Variants in RIC1 observed in about 807,000 individuals in gnomAD.
RIC1 encodes the protein guanine nucleotide exchange factor subunit RIC1.
RIC1 carries 88 observed loss-of-function variants against 169.0 expected under a neutral mutation model. The observed-to-expected ratio is 0.52, with a 90% CI of 0.44 to 0.62. The LOEUF (loss-of-function observed/expected upper bound fraction) is 0.62, where lower values mean the gene tolerates loss of function less well. Among genes scored for constraint, RIC1 ranks in the 20% least tolerant of loss-of-function variants. RIC1 has a pLI of 0.00. For missense variants in RIC1, 1,877 were observed against 1,725.5 expected (o/e 1.09, Z -1.56); for synonymous variants, 790 against 601.5 (o/e 1.31, Z -4.59).
chr9:5,690,502 C>T (rs1419926140), intron 3 of RIC1, among the ~76,000 whole-genome samples: 1 of 150,894 alleles, frequency 6.6e-6, no homozygotes, highest in Non-Finnish European at 1.5e-5. Flanking sequence ...ATTTTGCATT[C>T]TTTTCCTTAT....
At chr9:5,677,544 C>G (rs1014472005) in intron 2 of RIC1, among the ~76,000 whole-genome samples, 1 of 150,896 alleles carries the variant, frequency 6.6e-6, no homozygotes, top group African/African-American at 2.5e-5. Context: ...GTTCCATGAT[C>G]TATTTGTATA....
At chr9:5,681,487 A>T (rs1820836212) in intron 2 of RIC1, among the ~76,000 whole-genome samples, 1 of 152,062 alleles carries the variant, frequency 6.6e-6, no homozygotes, top group Non-Finnish European at 1.5e-5. Flanking sequence ...TTCTAGTTTG[A>T]TTGCACTATG....
intron 2 of RIC1, among the ~76,000 whole-genome samples, chr9:5,662,528 C>G (rs1402249965): frequency 6.6e-6 from 1 of 151,138 alleles, no homozygotes; most frequent in Admixed American, 6.6e-5. Flanking sequence ...CATTATTGGT[C>G]TATTCAGAGA....
rs139462539 is a variant in RIC1, at chr9:5,749,575, T to C, written c.1452+2070T>C. Among the ~76,000 whole-genome samples the C allele has an allele frequency of 2.6e-3, 401 of 152,264 alleles. 4 individuals are homozygous for C. The highest frequency in any genetic ancestry group is 9.0e-3 in the African/African-American group (374 of 41,552). On this transcript the variant is annotated intron_variant, in intron 12 of 25. Transcript: ENST00000414202. The stretch of plus-strand genomic sequence containing the variant: ...TTGTATAGCTTAGATGAACTCCAAC[T>C]AATTCTGCTGCTTGTTCTGTTTCTC...
At chr9:5,755,615 G>A (rs900655972) in intron 15 of RIC1, among the ~76,000 whole-genome samples, 2 of 152,108 alleles carry the variant, frequency 1.3e-5, no homozygotes, top group African/African-American at 2.4e-5. Flanking sequence ...GTCTTATTAT[G>A]TATCAGGTCT....
At chr9:5,682,486 C>T (rs1820914900) in intron 2 of RIC1, among the ~76,000 whole-genome samples, 1 of 151,984 alleles carries the variant, frequency 6.6e-6, no homozygotes, top group South Asian at 2.1e-4. Context: ...GAATATTGGC[C>T]CTCACTCTCT....
At chr9:5,672,972 G>A (rs560951836) in intron 2 of RIC1, among the ~76,000 whole-genome samples, 5 of 152,046 alleles carry the variant, frequency 3.3e-5, no homozygotes, top group South Asian at 2.1e-4. Context: ...CCTTTATCTC[G>A]GTTAAGTAAC....
intron 1 of RIC1, among the ~76,000 whole-genome samples, chr9:5,638,677 G>A (rs995334385): frequency 6.6e-6 from 1 of 152,110 alleles, no homozygotes; most frequent in African/African-American, 2.4e-5. Context: ...GGTATCAATT[G>A]TAATATCTCC....
At chr9:5,650,919 G>A (rs1818767191) in intron 1 of RIC1, among the ~76,000 whole-genome samples, 1 of 152,170 alleles carries the variant, frequency 6.6e-6, no homozygotes, top group African/African-American at 2.4e-5. Context: ...GGGAATGTTA[G>A]TAGGGCTTTA....
intron 2 of RIC1, among the ~76,000 whole-genome samples, chr9:5,676,620 A>G (rs962494807): frequency 1.3e-5 from 2 of 152,184 alleles, no homozygotes; most frequent in Non-Finnish European, 2.9e-5. Flanking sequence ...AGCCATAGGC[A>G]TCTCCTTATC....
rs74333480 is a variant in RIC1, at chr9:5,656,558, CTT to C, written c.145-12_145-11del. On this transcript the variant is annotated intron_variant, in intron 1 of 25. Transcript: ENST00000414202. Reference sequence around the variant, plus strand: ...TATGAGATATTGATAAAAAATACAACTTTTTTTTTTTTTTAATCACACAGCCT... The same window carrying C: ...TATGAGATATTGATAAAAAATACAACTTTTTTTTTTTTAATCACACAGCCT... 5.5e-3 allele frequency: 5,140 copies of C among 936,258 alleles called. No individual in the cohort carries two copies. The highest frequency in any genetic ancestry group is 0.01 in the South Asian group (481 of 47,544). 58.0% of individuals were successfully genotyped at this position (936,258 alleles called of 1,614,324 possible).
In RIC1 at chr9:5,746,311, G is replaced by A. The variant is rs942593364; in HGVS notation, c.1248+228G>A. On this transcript the variant is annotated intron_variant, in intron 11 of 25. Transcript: ENST00000414202. Reference sequence around the variant, plus strand: ...TTAAAAGGGTCATAAGCAATTTGACGGAAAGCAATGTTTATATATTTATTT... The same window carrying A: ...TTAAAAGGGTCATAAGCAATTTGACAGAAAGCAATGTTTATATATTTATTT... Among the ~76,000 whole-genome samples, 10 of 151,996 alleles carry A rather than the reference G, an allele frequency of 6.6e-5. No individual in the cohort carries two copies. The East Asian group carries it at 9.6e-4, about 15-fold the overall frequency.
At chr9:5,768,424 G>A (rs997161292) in intron 21 of RIC1, among the ~76,000 whole-genome samples, 27 of 152,128 alleles carry the variant, frequency 1.8e-4, no homozygotes, top group African/African-American at 6.3e-4. Context: ...CTACTTGGGA[G>A]GCTGAGGTGG....
rs1309559737 is a variant in RIC1 at position 5,768,863 on chromosome 9, T to G, written c.3138-107T>G. ...CTTCATTGTCAATCAGAATTAGATC[T>G]TGGATCTCTTATCTCCTTGTCAGCT... On this transcript the variant is annotated intron_variant, in intron 21 of 25. Transcript: ENST00000414202. The G allele has an allele frequency of 4.1e-6, 5 of 1,204,834 alleles. No homozygotes were observed. In the African/African-American group the frequency reaches 7.6e-5, roughly 18 times the overall value. The allele number at this position is 1,204,834 out of a possible 1,614,324, so 74.6% of individuals were successfully genotyped here.
At chr9:5,753,892 A>G (rs1328631648) in intron 14 of RIC1, among the ~76,000 whole-genome samples, 1 of 152,166 alleles carries the variant, frequency 6.6e-6, no homozygotes, top group East Asian at 1.9e-4. Context: ...GGTAACTATA[A>G]TTCCTTAGCC....
At chr9:5,656,379 G>GTTTC (rs1002341944) in intron 1 of RIC1, among the ~76,000 whole-genome samples, 1 of 152,030 alleles carries the variant, frequency 6.6e-6, no homozygotes, top group Non-Finnish European at 1.5e-5. Flanking sequence ...TATTAATTCA[G>GTTTC]TTTCTTTAAT....
Position 5,774,159 on chromosome 9 carries a change from T to C in RIC1, c.4185T>C (p.Asn1395=), listed in dbSNP as rs3739647. ...SIPQGEVGSS[N]MVSRKEEDTA... is the part of the protein sequence containing the mutation. ...CCCAGGGTGAAGTTGGAAGCAGCAA[T>C]ATGGTCAGCCGGAAAGAGGAGGACA... Residue 1395 remains asparagine (N), a synonymous_variant, in exon 26 of 26, where the codon AAT becomes AAC. Transcript: ENST00000414202. 1,593 of 1,613,822 alleles carry C rather than the reference T, an allele frequency of 9.9e-4. 26 individuals carry two copies. In the East Asian group the frequency reaches 0.027, roughly 28 times the overall value.
intron 12 of RIC1, among the ~76,000 whole-genome samples, chr9:5,749,568 C>T (rs1448188637): frequency 1.3e-5 from 2 of 152,084 alleles, no homozygotes; most frequent in African/African-American, 2.4e-5. Context: ...CTTAGATGAA[C>T]TCCAACTAAT....
intron 7 of RIC1, among the ~76,000 whole-genome samples, chr9:5,734,557 G>A (rs941913840): frequency 6.6e-6 from 1 of 151,918 alleles, no homozygotes; most frequent in Non-Finnish European, 1.5e-5. Flanking sequence ...TTCACATTGT[G>A]AAACAAAAAT....
Sources: gnomAD v4.1 joint callset for allele counts (sites outside exome capture counted in the v4.1 genomes callset) on GRCh38, gnomAD v4.1.1 for gene constraint, MANE v1.5 for transcripts, NCBI Gene and HGNC (gene_info 2026-07-23, HGNC 2026-07-21) for gene names.